Variants in ZNF451 observed in about 807,000 individuals in gnomAD.
ZNF451 encodes the protein E3 SUMO-protein ligase ZNF451.
Under a neutral mutation model 107.1 loss-of-function variants are expected in ZNF451, and 80 were observed. The observed-to-expected ratio is 0.75, with a 90% CI of 0.62 to 0.90. The LOEUF (loss-of-function observed/expected upper bound fraction) is 0.90. ZNF451 is among the 40% of genes least tolerant of loss of function. The pLI is 0.00. For synonymous variants in ZNF451, 362 were observed against 406.5 expected (o/e 0.89, Z 1.32); for missense variants, 1,107 against 1,236.2 (o/e 0.90, Z 1.57).
At chr6:57,132,893 T>G (rs1831251025) in intron 5 of ZNF451, 149 bp from the exon 6 acceptor site, 1 of 780,628 alleles carries the variant, frequency 1.3e-6, no homozygotes, top group African/African-American at 1.8e-5. Flanking sequence ...TATTATATCT[T>G]TTATAAGAGA....
chr6:57,134,652 G>GTA, intron 6 of ZNF451, 92 bp from the exon 7 acceptor site: 1 of 1,116,226 alleles, frequency 9.0e-7, no homozygotes, highest in Non-Finnish European at 1.3e-6. Context: ...GAATGTGTGT[G>GTA]TATGTGTTTA....
At chr6:57,118,976 G>T (rs1029662770) in intron 3 of ZNF451, among the ~76,000 whole-genome samples, 5 of 152,090 alleles carry the variant, frequency 3.3e-5, no homozygotes, top group Non-Finnish European at 5.9e-5. Flanking sequence ...AGTGAGCTGG[G>T]GTTACTTCTA....
chr6:57,145,440 C>G (rs1029668480), intron 9 of ZNF451, among the ~76,000 whole-genome samples: 1 of 152,268 alleles, frequency 6.6e-6, no homozygotes, highest in African/African-American at 2.4e-5. Context: ...TTTTCCAACC[C>G]TCACCCATTT....
chr6:57,168,717 T>A lies in ZNF451; in HGVS notation c.*248T>A. On this transcript the variant is annotated 3_prime_UTR_variant, in exon 15 of 15. Coordinates refer to ENST00000370706, the MANE Select transcript of ZNF451 (RefSeq NM_001031623.3). ...ATGTATTCTAATATAGGTGTAACAGTTTCCCAGTTAACTTTGAATTTATAT... is the reference window on the plus strand; with the variant it reads ...ATGTATTCTAATATAGGTGTAACAGATTCCCAGTTAACTTTGAATTTATAT... The A allele has an allele frequency of 2.6e-6, 1 of 382,958 alleles. No homozygotes were observed. 23.7% of individuals were successfully genotyped at this position (382,958 alleles called of 1,614,324 possible).
chr6:57,115,780 G>T (rs544650731), intron 3 of ZNF451, among the ~76,000 whole-genome samples: 1 of 152,086 alleles, frequency 6.6e-6, no homozygotes, highest in East Asian at 1.9e-4. Context: ...AGGCTTTCCT[G>T]TGCTTCTCCC....
intron 3 of ZNF451, chr6:57,104,629 T>A: frequency 2.0e-6 from 2 of 985,184 alleles, no homozygotes; most frequent in Middle Eastern, 5.2e-4. Flanking sequence ...AAAAGGCACA[T>A]AAAGCTGAGC....
Position 57,149,896 on chromosome 6 carries a change from C to T in ZNF451, c.2609-823C>T, listed in dbSNP as rs951138679. Among the ~76,000 whole-genome samples, 6 of 151,292 alleles carry T rather than the reference C, an allele frequency of 4.0e-5. No individual in the cohort carries two copies. The South Asian group carries it at 6.3e-4, about 16-fold the overall frequency. The stretch of plus-strand genomic sequence containing the variant: ...ATGCAATACCTAAATCTAGAATTAC[C>T]GAGAAGTTAGAGAAAAGACGTAAGG... On this transcript the variant is annotated intron_variant, in intron 10 of 14. Coordinates refer to ENST00000370706, the MANE Select transcript of ZNF451 (RefSeq NM_001031623.3).
intron 3 of ZNF451, chr6:57,117,067 G>GA (rs1830408583): frequency 6.6e-6 from 1 of 152,184 alleles, no homozygotes; most frequent in African/African-American, 2.4e-5. Flanking sequence ...TTGTGAAAGA[G>GA]AATAAACAGA....
rs1444400338 is a variant in ZNF451, at chr6:57,149,236, A to G, written c.2608+543A>G. Among the ~76,000 whole-genome samples the G allele has an allele frequency of 3.9e-5, 6 of 152,318 alleles. No homozygotes were observed. The East Asian group carries it at 1.2e-3, about 29-fold the overall frequency. Reference sequence around the variant, plus strand: ...AGTGGTAGCAGGAAACCAGGGGGAAAATTGAAATATGAATTCCTTGTTTGT... The same window carrying G: ...AGTGGTAGCAGGAAACCAGGGGGAAGATTGAAATATGAATTCCTTGTTTGT... On this transcript the variant is annotated intron_variant, in intron 10 of 14. Coordinates refer to ENST00000370706, the MANE Select transcript of ZNF451 (RefSeq NM_001031623.3).
chr6:57,153,408 T>G (rs559616394), intron 12 of ZNF451, among the ~76,000 whole-genome samples: 1 of 143,952 alleles, frequency 6.9e-6, no homozygotes, highest in African/African-American at 2.7e-5. Context: ...CTTTCTCTCT[T>G]TTTTTTTTTT....
intron 4 of ZNF451, among the ~76,000 whole-genome samples, chr6:57,126,025 A>G (rs1375894081): frequency 1.3e-5 from 2 of 152,066 alleles, no homozygotes; most frequent in Admixed American, 6.5e-5. Context: ...CAGATTTCCT[A>G]AGTGATGCTA....
At chr6:57,103,110 G>A (rs1829684739) in intron 3 of ZNF451, 1 of 985,288 alleles carries the variant, frequency 1.0e-6, no homozygotes, top group Non-Finnish European at 1.2e-6. Context: ...AATAAAGGAT[G>A]TTACACGATC....
At chr6:57,091,959 G>A (rs1829068387) in intron 2 of ZNF451, among the ~76,000 whole-genome samples, 1 of 152,136 alleles carries the variant, frequency 6.6e-6, no homozygotes, top group African/African-American at 2.4e-5. Context: ...CCCTTTACCA[G>A]TGTATGTTGT....
At chr6:57,168,356 TTAAA>T (rs1334408203) in intron 14 of ZNF451, 63 bp from the exon 15 acceptor site, 77 of 1,130,076 alleles carry the variant, frequency 6.8e-5, no homozygotes, top group Non-Finnish European at 6.2e-5. Flanking sequence ...TCGATGAAAC[TTAAA>T]TAAATACAGC....
rs894668299 is a variant in ZNF451 at position 57,135,980 on chromosome 6, G to T, written c.702+1110G>T. 3.3e-5 allele frequency among the ~76,000 whole-genome samples: 5 copies of T among 152,190 alleles called. No individual in the cohort carries two copies. In the South Asian group the frequency reaches 1.0e-3, roughly 32 times the overall value. ...GGATTCTGTGTAGGTTCACAGCAGA[G>T]AATTAAAGCTTGCATTCTAAGTATA... On this transcript the variant is annotated intron_variant, in intron 7 of 14. Transcript: ENST00000370706.
intron 7 of ZNF451, among the ~76,000 whole-genome samples, chr6:57,137,102 C>T (rs1027392999): frequency 1.4e-4 from 22 of 152,166 alleles, no homozygotes; most frequent in African/African-American, 4.8e-4. Context: ...TATTTCAGGC[C>T]TGACCTGTAA....
At chr6:57,155,381 G>A (rs1763367894) in intron 13 of ZNF451, among the ~76,000 whole-genome samples, 1 of 152,168 alleles carries the variant, frequency 6.6e-6, no homozygotes, top group African/African-American at 2.4e-5. Context: ...AGCTACTCGG[G>A]AGGCTGAGGC....
chr6:57,107,811 G>A (rs979491696), intron 3 of ZNF451: 2 of 980,730 alleles, frequency 2.0e-6, no homozygotes, highest in Non-Finnish European at 2.4e-6. Flanking sequence ...CTTTGGTAAC[G>A]TGAAAGTAAA....
intron 3 of ZNF451, chr6:57,107,428 C>G (rs1431775763): frequency 2.0e-6 from 2 of 985,114 alleles, no homozygotes; most frequent in Non-Finnish European, 2.4e-6. Flanking sequence ...AGTCCAATAT[C>G]TCAAACTACT....
Sources: allele counts gnomAD v4.1 joint callset (sites outside exome capture counted in the v4.1 genomes callset), GRCh38; gene constraint gnomAD v4.1.1; transcripts MANE v1.5; gene names NCBI Gene and HGNC (gene_info 2026-07-23, HGNC 2026-07-21).